The following TSHZ2 variants were observed in gnomAD, a reference collection of about 807,000 sequenced individuals.
TSHZ2 encodes teashirt homolog 2.
A neutral mutation model predicts 74.4 loss-of-function variants in TSHZ2; 21 were observed. The observed-to-expected ratio is 0.28, with a 90% CI of 0.20 to 0.41. The LOEUF is 0.41. Ranked by LOEUF, TSHZ2 falls within the 10% of genes least tolerant of loss-of-function variation. The probability of loss-of-function intolerance (pLI) is 1.00; values close to 1 mark genes in which losing one functional copy is unlikely to be tolerated. For synonymous variants in TSHZ2, 540 were observed against 515.3 expected, an observed-to-expected ratio of 1.05 and a Z score of -0.65; for missense variants, 1,244 against 1,293.5, an observed-to-expected ratio of 0.96 and a Z score of 0.59.
intron 2 of TSHZ2, among the ~76,000 whole-genome samples, chr20:53,377,831 C>T (rs1008583065): frequency 2.6e-5 from 4 of 152,156 alleles, no homozygotes; most frequent in Non-Finnish European, 1.5e-5. Context: ...CCACTGCACT[C>T]CAGCCTGGGT....
At chr20:53,334,263 G>A (rs943046880) in intron 2 of TSHZ2, among the ~76,000 whole-genome samples, 18 of 152,198 alleles carry the variant, frequency 1.2e-4, no homozygotes, top group African/African-American at 2.7e-4. Context: ...GTGGGAGGGG[G>A]TTAGGGGAGG....
intron 1 of TSHZ2, among the ~76,000 whole-genome samples, chr20:53,209,112 G>A (rs544422109): frequency 6.6e-6 from 1 of 150,818 alleles, no homozygotes; most frequent in African/African-American, 2.4e-5. Context: ...TTTTTTTTTC[G>A]GAGATGGAGT....
intron 2 of TSHZ2, among the ~76,000 whole-genome samples, chr20:53,366,475 A>G (rs1413413880): frequency 6.6e-6 from 1 of 152,214 alleles, no homozygotes; most frequent in African/African-American, 2.4e-5. Flanking sequence ...AAACATGATG[A>G]TACCATTTCG....
chr20:53,348,859 C>T (rs944701413), intron 2 of TSHZ2, among the ~76,000 whole-genome samples: 1 of 152,112 alleles, frequency 6.6e-6, no homozygotes, highest in Non-Finnish European at 1.5e-5. Context: ...AAGTAGTTGC[C>T]CTGACTGCAA....
At chr20:53,048,589 C>T (rs549071782) in intron 1 of TSHZ2, among the ~76,000 whole-genome samples, 5 of 152,290 alleles carry the variant, frequency 3.3e-5, no homozygotes, top group African/African-American at 9.6e-5. Flanking sequence ...TTTGATTTGC[C>T]GGGCGTGGGC....
At chr20:53,326,833 G>A (rs1979512920) in intron 2 of TSHZ2, among the ~76,000 whole-genome samples, 1 of 152,210 alleles carries the variant, frequency 6.6e-6, no homozygotes, top group South Asian at 2.1e-4. Flanking sequence ...AGTAATCTGG[G>A]AAAATCTTAC....
At chr20:53,453,741 CT>C (rs1360675184) in intron 2 of TSHZ2, among the ~76,000 whole-genome samples, 1 of 152,162 alleles carries the variant, frequency 6.6e-6, no homozygotes, top group Non-Finnish European at 1.5e-5. Context: ...AGGAAATCTT[CT>C]TGATTTTGGA....
intron 2 of TSHZ2, among the ~76,000 whole-genome samples, chr20:53,451,848 G>A (rs552634952): frequency 6.6e-6 from 1 of 152,288 alleles, no homozygotes; most frequent in African/African-American, 2.4e-5. Context: ...TAGTACAGTA[G>A]GAACACAGTA....
intron 1 of TSHZ2, among the ~76,000 whole-genome samples, chr20:53,231,028 A>G (rs1989814451): frequency 6.6e-6 from 1 of 152,110 alleles, no homozygotes; most frequent in African/African-American, 2.4e-5. Flanking sequence ...GAGAGGCTGG[A>G]CTTTCTGTCT....
intron 2 of TSHZ2, among the ~76,000 whole-genome samples, chr20:53,335,876 C>G (rs1477641178): frequency 6.6e-6 from 1 of 152,172 alleles, no homozygotes; most frequent in African/African-American, 2.4e-5. Context: ...TATTAAACAT[C>G]GCTATCACAT....
chr20:53,216,753 T>A (rs1989443749), intron 1 of TSHZ2, among the ~76,000 whole-genome samples: 1 of 152,190 alleles, frequency 6.6e-6, no homozygotes, highest in Non-Finnish European at 1.5e-5. Context: ...TCTCTATAAA[T>A]CAATCCTCTT....
At chr20:53,444,696 G>T (rs894257024) in intron 2 of TSHZ2, among the ~76,000 whole-genome samples, 2 of 152,284 alleles carry the variant, frequency 1.3e-5, no homozygotes, top group Admixed American at 1.3e-4. Flanking sequence ...GAAGTTTCTA[G>T]GGTATGTCAA....
At position 53,256,133 on chromosome 20, in the gene TSHZ2, C is replaced by G; in HGVS notation, c.2675C>G (p.Ser892Ter). 1 of 1,614,024 alleles carries G rather than the reference C, an allele frequency of 6.2e-7. No homozygotes were observed. The highest frequency in any genetic ancestry group is 8.5e-7 in the Non-Finnish European group (1 of 1,179,908). ...CAAATCTCTAAGTTTACGGGACTCT[C>G]AATGACCACTATCAGTCACTGGCTG... ...RMQISKFTGLSMTTISHWLAN... is the reference protein window; with the variant it reads ...RMQISKFTGL Residue 892 changes from serine (S) to a stop codon, truncating the protein, a stop_gained, in exon 2 of 3, where the codon TCA (serine) becomes TGA (stop). Coordinates refer to ENST00000371497, the MANE Select transcript of TSHZ2 (RefSeq NM_173485.6). LOFTEE classifies it high-confidence loss of function. This position sits in a 1 kb window ranked among gnomAD's most constrained non-coding sequence, Gnocchi z 4.3.
chr20:53,154,611 G>T (rs1987750033), intron 1 of TSHZ2, among the ~76,000 whole-genome samples: 1 of 152,108 alleles, frequency 6.6e-6, no homozygotes, highest in Admixed American at 6.5e-5. Flanking sequence ...GACTACTCCA[G>T]CCCTCATTGA....
chr20:53,026,587 C>T (rs1004558785), intron 1 of TSHZ2, among the ~76,000 whole-genome samples: 1 of 152,048 alleles, frequency 6.6e-6, no homozygotes, highest in Non-Finnish European at 1.5e-5. Context: ...TATCATACAT[C>T]CACAAAAAGA....
At chr20:53,021,167 G>A (rs1042872089) in intron 1 of TSHZ2, among the ~76,000 whole-genome samples, 1 of 152,160 alleles carries the variant, frequency 6.6e-6, no homozygotes, top group South Asian at 2.1e-4. Flanking sequence ...CTGTGGAATA[G>A]CACTTGGATT....
In TSHZ2 at chr20:53,342,586, A is replaced by G. The variant is rs114750094; in HGVS notation, c.*8+86015A>G. Reference sequence around the variant, plus strand: ...GTACCCTGCAAAGAAGCCCGTCCCTATTGTATTCTTTCATCCTCATAAGCA... The same window carrying G: ...GTACCCTGCAAAGAAGCCCGTCCCTGTTGTATTCTTTCATCCTCATAAGCA... On this transcript the variant is annotated intron_variant, in intron 2 of 2. Transcript: ENST00000371497. Among the ~76,000 whole-genome samples, 926 of 152,108 alleles carry G rather than the reference A, an allele frequency of 6.1e-3. 10 individuals carry two copies. Among genetic ancestry groups the G allele is most frequent in the African/African-American group, 0.021 (889 of 41,462 alleles).
chr20:53,398,624 A>G (rs576981656), intron 2 of TSHZ2: 1 of 152,288 alleles, frequency 6.6e-6, no homozygotes, highest in East Asian at 1.9e-4. Flanking sequence ...GTGATGGTGC[A>G]TGCCTGTAGT....
chr20:53,351,302 T>C (rs1286863847), intron 2 of TSHZ2, among the ~76,000 whole-genome samples: 3 of 152,184 alleles, frequency 2.0e-5, no homozygotes, highest in Non-Finnish European at 4.4e-5. Context: ...GGTTAAAAAC[T>C]GGGGAGGTGG....
Sources: gnomAD v4.1 joint callset for allele counts (sites outside exome capture counted in the v4.1 genomes callset) on GRCh38, gnomAD v4.1.1 for gene constraint, Gnocchi (gnomAD v3.1) non-coding constraint, MANE v1.5 for transcripts, NCBI Gene and HGNC (gene_info 2026-07-23, HGNC 2026-07-21) for gene names.